Variants in RAB11FIP3 observed in about 807,000 individuals in gnomAD.
RAB11FIP3 encodes rab11 family-interacting protein 3.
A neutral mutation model predicts 77.8 loss-of-function variants in RAB11FIP3; 17 were observed. The observed-to-expected ratio is 0.22, with a 90% confidence interval of 0.15 to 0.33. The LOEUF is 0.33. Ranked by LOEUF, RAB11FIP3 falls within the 10% of genes least tolerant of loss-of-function variation. The pLI is 1.00. For missense variants in RAB11FIP3, 1,005 were observed against 1,011.2 expected, an observed-to-expected ratio of 0.99 and a Z score of 0.08; for synonymous variants, 437 against 448.2, an observed-to-expected ratio of 0.98 and a Z score of 0.31.
chr16:431,532 G>T (rs907265784), intron 1 of RAB11FIP3, among the ~76,000 whole-genome samples: 1 of 151,646 alleles, frequency 6.6e-6, no homozygotes. Context: ...GGCGTGCAAC[G>T]CCTGGCTAAT....
rs183768168 is a variant in RAB11FIP3 at position 445,891 on chromosome 16, C to A, written c.715-15513C>A. Reference sequence around the variant, plus strand: ...GCAAAAGGACGTTATGGCCTGAGCACCTAGCAGCCTCCAGGTACAGGTGTT... The same window carrying A: ...GCAAAAGGACGTTATGGCCTGAGCAACTAGCAGCCTCCAGGTACAGGTGTT... On this transcript the variant is annotated intron_variant, in intron 1 of 13. Coordinates refer to ENST00000262305, the MANE Select transcript of RAB11FIP3 (RefSeq NM_014700.4). 1.2e-3 allele frequency among the ~76,000 whole-genome samples: 183 copies of A among 152,208 alleles called. 1 individual carries two copies. The highest frequency in any genetic ancestry group is 2.2e-3 in the Non-Finnish European group (149 of 68,012).
intron 9 of RAB11FIP3, among the ~76,000 whole-genome samples, chr16:515,303 G>C (rs772987295): frequency 6.6e-6 from 1 of 152,232 alleles, no homozygotes; most frequent in Non-Finnish European, 1.5e-5. Context: ...GGGTAGAGCC[G>C]TCTGGACTCC....
At chr16:475,059 C>A in intron 3 of RAB11FIP3, 1 of 1,551,644 alleles carries the variant, frequency 6.4e-7, no homozygotes, top group African/African-American at 1.4e-5. Context: ...TGTACAGAGC[C>A]AGGCCCAGCC....
At chr16:478,468 G>A (rs911947635) in intron 3 of RAB11FIP3, among the ~76,000 whole-genome samples, 33 of 152,040 alleles carry the variant, frequency 2.2e-4, no homozygotes, top group Admixed American at 2.2e-3. Flanking sequence ...TGGGATTACA[G>A]GCATTAACCA....
intron 6 of RAB11FIP3, among the ~76,000 whole-genome samples, chr16:499,087 C>G (rs1045232180): frequency 6.6e-6 from 1 of 152,144 alleles, no homozygotes; most frequent in Non-Finnish European, 1.5e-5. Context: ...TAGCAGGTGC[C>G]TGTAATCCCA....
At position 471,835 on chromosome 16, in the gene RAB11FIP3, G is replaced by C. The variant is rs1366518773; in HGVS notation, c.903+446G>C. On this transcript the variant is annotated intron_variant, in intron 3 of 13. Coordinates refer to ENST00000262305, the MANE Select transcript of RAB11FIP3 (RefSeq NM_014700.4). The surrounding 1 kb of genome is among the most constrained non-coding windows in gnomAD (Gnocchi z 4.4). ...GTCATGGTGACGTGGCGTCTCCTGTGTCTCCTGTCACTGTGGGTCCCTTGT... is the reference window on the plus strand; with the variant it reads ...GTCATGGTGACGTGGCGTCTCCTGTCTCTCCTGTCACTGTGGGTCCCTTGT... Among the ~76,000 whole-genome samples the C allele has an allele frequency of 6.6e-6, 1 of 152,156 alleles. No individual in the cohort carries two copies. Among genetic ancestry groups the C allele is most frequent in the East Asian group, 1.9e-4 (1 of 5,192 alleles).
intron 1 of RAB11FIP3, among the ~76,000 whole-genome samples, chr16:429,773 C>T (rs1157227211): frequency 1.3e-5 from 2 of 152,164 alleles, no homozygotes; most frequent in Non-Finnish European, 2.9e-5. Flanking sequence ...GCTGGGATTA[C>T]AGGCATGAGC....
chr16:445,451 AAAAAT>A (rs1477009718), intron 1 of RAB11FIP3, among the ~76,000 whole-genome samples: 1 of 152,294 alleles, frequency 6.6e-6, no homozygotes, highest in African/African-American at 2.4e-5. Flanking sequence ...AAATAAAAAT[AAAAAT>A]AAAAAAAGAT....
At chr16:448,609 G>A (rs1164377120) in intron 1 of RAB11FIP3, among the ~76,000 whole-genome samples, 7 of 150,720 alleles carry the variant, frequency 4.6e-5, no homozygotes, top group Non-Finnish European at 1.0e-4. Flanking sequence ...GGTGGCGGGC[G>A]CCTGTAGTCC....
At position 426,807 on chromosome 16, in the gene RAB11FIP3, C is replaced by T. The variant is rs2054954507; in HGVS notation, c.714+87C>T. 8.8e-7 allele frequency: 1 copy of T among 1,140,158 alleles called. No individual in the cohort carries two copies. The highest frequency in any genetic ancestry group is 1.2e-6 in the Non-Finnish European group (1 of 832,032). 70.6% of individuals were successfully genotyped at this position (1,140,158 alleles called of 1,614,324 possible). A position where few individuals can be genotyped will look rare whatever the true frequency, so the allele number is the denominator to read the frequency against. ...GATGTGGGACCGGTCGACGCTGCCC[C>T]TGGAGTCGGGAAAGGCACTGTCAAG... On this transcript the variant is annotated intron_variant, in intron 1 of 13. Transcript: ENST00000262305. The surrounding 1 kb of genome is among the most constrained non-coding windows in gnomAD (Gnocchi z 5.0).
intron 1 of RAB11FIP3, among the ~76,000 whole-genome samples, chr16:450,920 C>T (rs980162757): frequency 9.4e-5 from 14 of 149,218 alleles, no homozygotes; most frequent in African/African-American, 3.4e-4. Context: ...GGGACCAGAC[C>T]TGAAGTGCAG....
Position 426,065 on chromosome 16 carries a change from A to AGCCGGGCGG in RAB11FIP3, c.65_73dup (p.Gly22_Pro24dup), listed in dbSNP as rs2054934708. On this transcript the variant is annotated inframe_insertion, in exon 1 of 14. Transcript: ENST00000262305. This position sits in a 1 kb window ranked among gnomAD's most constrained non-coding sequence, Gnocchi z 5.0. ...TCGGAGCCGCCGGGGCCCGACCCGG[A>AGCCGGGCGG]GCCGGGCGGGCCGGACGGGCCGGGG... is the stretch of plus-strand genomic sequence containing the variant. 3 of 998,462 alleles carry AGCCGGGCGG rather than the reference A, an allele frequency of 3.0e-6. No homozygotes were observed. In the Middle Eastern group the frequency reaches 1.5e-3, roughly 501 times the overall value. The allele number at this position is 998,462 out of a possible 1,614,324, so 61.9% of individuals were successfully genotyped here.
At chr16:430,155 T>C (rs1210370254) in intron 1 of RAB11FIP3, among the ~76,000 whole-genome samples, 1 of 152,138 alleles carries the variant, frequency 6.6e-6, no homozygotes, top group Admixed American at 6.6e-5. Context: ...TTGGAATAGG[T>C]GATTTTTAAG....
rs1334737297 is a variant in RAB11FIP3 at position 518,822 on chromosome 16, G to A, written c.1641-121G>A. ...GGGCACATAAGGATTGGCCCTGGTC[G>A]TTTGGGGGCGTCTGTTGGTCACAGG... On this transcript the variant is annotated intron_variant, in intron 9 of 13. Transcript: ENST00000262305. 43 of 914,414 alleles carry A rather than the reference G, an allele frequency of 4.7e-5. No individual in the cohort carries two copies. The East Asian group carries it at 6.5e-4, about 14-fold the overall frequency. 56.6% of individuals were successfully genotyped at this position (914,414 alleles called of 1,614,324 possible).
intron 7 of RAB11FIP3, among the ~76,000 whole-genome samples, chr16:503,650 C>T (rs570492680): frequency 2.6e-5 from 4 of 152,160 alleles, no homozygotes; most frequent in East Asian, 1.9e-4. Context: ...GAGGCCTAGG[C>T]GGGCAGATCA....
chr16:509,286 G>T (rs2095982128), intron 8 of RAB11FIP3, among the ~76,000 whole-genome samples: 1 of 152,272 alleles, frequency 6.6e-6, no homozygotes, highest in African/African-American at 2.4e-5. Context: ...AGGCTGCCCT[G>T]ACGCTGCAGC....
intron 4 of RAB11FIP3, among the ~76,000 whole-genome samples, chr16:485,427 T>C (rs1471134488): frequency 6.6e-6 from 1 of 152,114 alleles, no homozygotes; most frequent in Non-Finnish European, 1.5e-5. Flanking sequence ...TCTGTTTTTT[T>C]GTCAAGATGG....
rs1567391915 is a variant in RAB11FIP3, at chr16:492,386, A to AGGGCCCTCCCGG, written c.1265+3387_1265+3388insGGCCCTCCCGGG. 3.3e-4 allele frequency among the ~76,000 whole-genome samples: 47 copies of AGGGCCCTCCCGG among 143,484 alleles called. 4 individuals carry two copies. The highest frequency in any genetic ancestry group is 6.1e-4 in the East Asian group (3 of 4,936). The allele number at this position is 143,484 out of a possible 152,430, so 94.1% of individuals were successfully genotyped here. ...CTTCCCGGGAGACCCGAGGCCGCCC[A>AGGGCCCTCCCGG]GAGCCCTCCCCGGGAGACCCGAGGC... On this transcript the variant is annotated intron_variant, in intron 5 of 13. Transcript: ENST00000262305.
intron 1 of RAB11FIP3, among the ~76,000 whole-genome samples, chr16:445,595 G>T (rs2055302776): frequency 6.6e-6 from 1 of 152,170 alleles, no homozygotes; most frequent in East Asian, 1.9e-4. Context: ...GGTATGGGGG[G>T]ATGAGAATCT....
Sources: gnomAD v4.1 joint callset for allele counts (sites outside exome capture counted in the v4.1 genomes callset) on GRCh38, gnomAD v4.1.1 for gene constraint, Gnocchi (gnomAD v3.1) non-coding constraint, MANE v1.5 for transcripts, NCBI Gene and HGNC (gene_info 2026-07-23, HGNC 2026-07-21) for gene names.